The following CFAP54 variants were observed in gnomAD, a reference collection of about 807,000 sequenced individuals.
CFAP54 encodes cilia- and flagella-associated protein 54.
CFAP54 carries 290 observed loss-of-function variants against 370.4 expected under a neutral mutation model. The observed-to-expected ratio is 0.78, with a 90% CI of 0.71 to 0.86. The LOEUF (loss-of-function observed/expected upper bound fraction) is 0.86, where lower values mean the gene tolerates loss of function less well. Among genes scored for constraint, CFAP54 ranks in the 40% least tolerant of loss-of-function variants. The pLI is 0.00. For synonymous variants in CFAP54, 1,206 were observed against 1,236.5 expected (o/e 0.98, Z 0.52); for missense variants, 3,399 against 3,528.7 (o/e 0.96, Z 0.93).
intron 44 of CFAP54, among the ~76,000 whole-genome samples, chr12:96,693,481 G>T (rs1359504662): frequency 6.6e-6 from 1 of 152,244 alleles, no homozygotes; most frequent in South Asian, 2.1e-4. Context: ...ACCTAGGTTT[G>T]GGGTACCAAA....
chr12:96,645,477 A>T (rs549493677), intron 33 of CFAP54: 1 of 175,262 alleles, frequency 5.7e-6, no homozygotes, highest in South Asian at 1.3e-4. Context: ...AGAACATTCC[A>T]TGCTTAGGGA....
At chr12:96,492,150 A>G (rs1262185301) in intron 1 of CFAP54, among the ~76,000 whole-genome samples, 2 of 151,934 alleles carry the variant, frequency 1.3e-5, no homozygotes, top group Non-Finnish European at 2.9e-5. Flanking sequence ...ACCATTTCAC[A>G]TTTTCCCTGC....
At chr12:96,567,808 G>A (rs887708515) in intron 19 of CFAP54, among the ~76,000 whole-genome samples, 2 of 152,052 alleles carry the variant, frequency 1.3e-5, no homozygotes, top group Non-Finnish European at 2.9e-5. Context: ...AACATACCGG[G>A]ACTGAGATAC....
At chr12:96,521,503 C>CGTGTGTGT (rs10554608) in intron 6 of CFAP54, among the ~76,000 whole-genome samples, 189 of 129,676 alleles carry the variant, frequency 1.5e-3, no homozygotes, top group Admixed American at 2.4e-3. Flanking sequence ...CAACTGAGGA[C>CGTGTGTGT]GTGTGTGTGT....
At chr12:96,527,515 A>G (rs1481845429) in intron 9 of CFAP54, 71 bp downstream of exon 9, 6 of 966,634 alleles carry the variant, frequency 6.2e-6, no homozygotes, top group Non-Finnish European at 8.7e-6. Flanking sequence ...TTAACATGGT[A>G]GTCCATACAT....
At chr12:96,573,249 G>A (rs897126875) in intron 19 of CFAP54, among the ~76,000 whole-genome samples, 33 of 152,126 alleles carry the variant, frequency 2.2e-4, no homozygotes, top group African/African-American at 7.7e-4. Flanking sequence ...AAATATCTTG[G>A]TCTCTACAGC....
intron 1 of CFAP54, among the ~76,000 whole-genome samples, chr12:96,496,194 A>G (rs1954952963): frequency 6.6e-6 from 1 of 152,246 alleles, no homozygotes; most frequent in African/African-American, 2.4e-5. Flanking sequence ...TCCTTCACTC[A>G]ATCAGTGACT....
chr12:96,826,926 A>G (rs1202362906), intron 65 of CFAP54, among the ~76,000 whole-genome samples: 3 of 130,974 alleles, frequency 2.3e-5, no homozygotes, highest in South Asian at 2.3e-4. Context: ...ATATGATTAT[A>G]TATAATATGC....
chr12:96,546,421 G>A (rs1955640494), intron 14 of CFAP54, among the ~76,000 whole-genome samples: 1 of 151,946 alleles, frequency 6.6e-6, no homozygotes, highest in South Asian at 2.1e-4. Context: ...TTGTTTGTTT[G>A]TTTATTTATT....
At chr12:96,522,946 C>T (rs1955336814) in intron 8 of CFAP54, among the ~76,000 whole-genome samples, 1 of 152,228 alleles carries the variant, frequency 6.6e-6, no homozygotes, top group Non-Finnish European at 1.5e-5. Flanking sequence ...AAGATGATCA[C>T]AGGGCAGGGA....
chr12:96,797,165 C>A (rs566867356), intron 63 of CFAP54, among the ~76,000 whole-genome samples: 1 of 152,002 alleles, frequency 6.6e-6, no homozygotes, highest in African/African-American at 2.4e-5. Context: ...GTTATCTATT[C>A]CCAGATTGTG....
intron 66 of CFAP54, among the ~76,000 whole-genome samples, chr12:96,854,601 A>G (rs1180857776): frequency 6.6e-6 from 1 of 152,208 alleles, no homozygotes; most frequent in East Asian, 1.9e-4. Flanking sequence ...AAAAAACTCT[A>G]TAGGGAATGA....
At chr12:96,837,421 G>A (rs191240813) in intron 66 of CFAP54, among the ~76,000 whole-genome samples, 70 of 152,160 alleles carry the variant, frequency 4.6e-4, no homozygotes, top group Admixed American at 1.7e-3. Flanking sequence ...AACTCAAACA[G>A]TTTTCTTTTC....
chr12:96,608,980 A>G (rs1249497437), intron 26 of CFAP54, among the ~76,000 whole-genome samples: 1 of 152,274 alleles, frequency 6.6e-6, no homozygotes, highest in African/African-American at 2.4e-5. Flanking sequence ...AGAAATTACC[A>G]GATGGGCTAA....
intron 27 of CFAP54, among the ~76,000 whole-genome samples, chr12:96,622,817 T>A (rs556749595): frequency 1.2e-4 from 19 of 152,366 alleles, no homozygotes; most frequent in Non-Finnish European, 2.8e-4. Context: ...AAAAAACTTT[T>A]AAAAATCACC....
rs1390335683 is a variant in CFAP54 at position 96,812,674 on chromosome 12, C to T, written c.8957+832C>T. Among the ~76,000 whole-genome samples the T allele has an allele frequency of 3.9e-5, 6 of 152,180 alleles. No homozygotes were observed. The East Asian group carries it at 5.8e-4, about 15-fold the overall frequency. ...TCACTAAAGCCTGTTCCATCACTAA[C>T]GCCTTTTCCATCAATGGCTTGGTAA... On this transcript the variant is annotated intron_variant, in intron 64 of 67. Transcript: ENST00000524981.
Position 96,784,877 on chromosome 12 carries a change from G to C in CFAP54, c.8442G>C (p.Leu2814=), listed in dbSNP as rs936645381. ...TTCACCTTCAGAGGATTAATAATCT[G>C]AGCAAACTGCTAGGTAGGTTTTTTG... The part of the protein sequence containing the change: ...YYIHLQRINN[L]SKLLASATPV... The change falls in exon 61 of 68, where the codon CTG becomes CTC. Residue 2814 remains leucine, a synonymous_variant. Transcript: ENST00000524981. 6.6e-7 allele frequency: 1 copy of C among 1,517,872 alleles called. No homozygotes were observed. Among genetic ancestry groups the C allele is most frequent in the South Asian group, 1.2e-5 (1 of 80,318 alleles). 94.0% of individuals were successfully genotyped at this position (1,517,872 alleles called of 1,614,324 possible).
At chr12:96,504,656 C>CA in intron 3 of CFAP54, among the ~76,000 whole-genome samples, 1 of 152,170 alleles carries the variant, frequency 6.6e-6, no homozygotes, top group Non-Finnish European at 1.5e-5. Flanking sequence ...TGTTTGAACC[C>CA]TGATCAGTCT....
At position 96,793,517 on chromosome 12, in the gene CFAP54, T is replaced by G. The variant is rs1470576380; in HGVS notation, c.8850+1018T>G. On this transcript the variant is annotated intron_variant, in intron 63 of 67. Coordinates refer to ENST00000524981, the MANE Select transcript of CFAP54 (RefSeq NM_001306084.2). ...AATTGTGCTGCTATAAACGTTCGTG[T>G]GCAAGTATTTTTTTTTCTTTGTATA... Among the ~76,000 whole-genome samples, 3 of 152,216 alleles carry G rather than the reference T, an allele frequency of 2.0e-5. No homozygotes were observed. The East Asian group carries it at 5.8e-4, about 29-fold the overall frequency.
Sources: gnomAD v4.1 joint callset for allele counts (sites outside exome capture counted in the v4.1 genomes callset) on GRCh38, gnomAD v4.1.1 for gene constraint, MANE v1.5 for transcripts, NCBI Gene and HGNC (gene_info 2026-07-23, HGNC 2026-07-21) for gene names.